DAPK1: variants seen among roughly 807,000 people sequenced by gnomAD.
DAPK1 encodes death associated protein kinase 1.
Under a neutral mutation model 144.9 loss-of-function variants are expected in DAPK1, and 56 were observed. The ratio of observed to expected loss-of-function variants is 0.39; its 90% CI spans 0.31 to 0.48. DAPK1 has a LOEUF of 0.48. Ranked by LOEUF, DAPK1 falls within the 20% of genes least tolerant of loss-of-function variation. The pLI, the probability that DAPK1 is intolerant of heterozygous loss-of-function variation, is 0.95. For synonymous variants in DAPK1, 690 were observed against 749.0 expected (o/e 0.92, Z 1.29); for missense variants, 1,454 against 1,875.4 (o/e 0.78, Z 4.15).
At chr9:87,568,139 G>A (rs1033741914) in intron 2 of DAPK1, among the ~76,000 whole-genome samples, 2 of 152,218 alleles carry the variant, frequency 1.3e-5, no homozygotes, top group African/African-American at 4.8e-5. Context: ...AGCCACCCAG[G>A]CATAAGGCAC....
intron 2 of DAPK1, among the ~76,000 whole-genome samples, chr9:87,514,594 G>A (rs918895942): frequency 2.6e-5 from 4 of 152,202 alleles, no homozygotes; most frequent in Non-Finnish European, 4.4e-5. Flanking sequence ...ACAAGAACCA[G>A]CCCCAAATTG....
At chr9:87,627,213 C>T (rs1416657698) in intron 3 of DAPK1, among the ~76,000 whole-genome samples, 1 of 152,172 alleles carries the variant, frequency 6.6e-6, no homozygotes, top group African/African-American at 2.4e-5. Context: ...GTTGACCTTG[C>T]TCCTGAGGGT....
chr9:87,632,376 A>T (rs1484992616), intron 3 of DAPK1: 15 of 983,734 alleles, frequency 1.5e-5, no homozygotes, highest in South Asian at 4.7e-5. Flanking sequence ...GGATGAGTGC[A>T]TATGTAGAAA....
intron 2 of DAPK1, among the ~76,000 whole-genome samples, chr9:87,571,562 CAG>C (rs1827362387): frequency 2.0e-5 from 3 of 148,502 alleles, no homozygotes; most frequent in Non-Finnish European, 3.0e-5. Context: ...GAAAAGGGAA[CAG>C]AGAGGGTTTG....
chr9:87,508,492 G>A (rs1429295721), intron 2 of DAPK1, among the ~76,000 whole-genome samples: 3 of 151,894 alleles, frequency 2.0e-5, no homozygotes, highest in Non-Finnish European at 2.9e-5. Flanking sequence ...ACAGGTGCCC[G>A]CCACCACACC....
Position 87,548,913 on chromosome 9 carries a change from CTTTTTTT to C in DAPK1, c.62+49795_62+49801del, listed in dbSNP as rs11291160. On this transcript the variant is annotated intron_variant, in intron 2 of 25. Coordinates refer to ENST00000408954, the MANE Select transcript of DAPK1 (RefSeq NM_004938.4). ...ACCACCCACTGAGTGGATTTCATTC[CTTTTTTT>C]TTTTTTTTTTTTTTTTTTTTGGCTT... Among the ~76,000 whole-genome samples the C allele has an allele frequency of 1.9e-3, 119 of 63,868 alleles. 1 individual carries two copies. The highest frequency in any genetic ancestry group is 2.2e-3 in the Non-Finnish European group (85 of 37,942). The allele number at this position is 63,868 out of a possible 152,430, so 41.9% of individuals were successfully genotyped here. A position where few individuals can be genotyped will look rare whatever the true frequency, so the allele number is the denominator to read the frequency against.
At chr9:87,626,875 G>A (rs185059443) in intron 3 of DAPK1, among the ~76,000 whole-genome samples, 72 of 152,232 alleles carry the variant, frequency 4.7e-4, no homozygotes, top group Non-Finnish European at 6.6e-4. Flanking sequence ...GCCATATGGT[G>A]CATAGACTTC....
At chr9:87,587,312 A>G (rs1219506637) in intron 2 of DAPK1, among the ~76,000 whole-genome samples, 3 of 152,170 alleles carry the variant, frequency 2.0e-5, no homozygotes, top group Non-Finnish European at 2.9e-5. Context: ...TTTACTTTTA[A>G]CCTTTGTTTT....
intron 2 of DAPK1, among the ~76,000 whole-genome samples, chr9:87,563,180 C>T (rs1447476810): frequency 6.6e-6 from 1 of 152,180 alleles, no homozygotes; most frequent in Admixed American, 6.5e-5. Context: ...GGCATTCTTT[C>T]CTGGTAAACT....
intron 21 of DAPK1, among the ~76,000 whole-genome samples, chr9:87,689,208 T>G (rs1824968748): frequency 6.6e-6 from 1 of 152,320 alleles, no homozygotes; most frequent in African/African-American, 2.4e-5. Flanking sequence ...TCTCCATTAC[T>G]TATTTTTGTC....
chr9:87,538,454 A>G (rs1295639098), intron 2 of DAPK1, among the ~76,000 whole-genome samples: 2 of 152,200 alleles, frequency 1.3e-5, no homozygotes, highest in Non-Finnish European at 2.9e-5. Context: ...CTCATGTTAT[A>G]TACATAAAAG....
intron 18 of DAPK1, 54 bp downstream of exon 18, chr9:87,658,181 C>T (rs1830700251): frequency 2.7e-6 from 2 of 735,650 alleles, no homozygotes; most frequent in African/African-American, 3.5e-5. Context: ...CCTCTGGCGC[C>T]TCCAGGGCAG....
chr9:87,560,389 G>A (rs546811702), intron 2 of DAPK1, among the ~76,000 whole-genome samples: 90 of 152,210 alleles, frequency 5.9e-4, no homozygotes, highest in African/African-American at 2.0e-3. Context: ...ATTTTAAAGC[G>A]TGCAACTGAG....
At chr9:87,621,600 C>T (rs1829294451) in intron 3 of DAPK1, among the ~76,000 whole-genome samples, 1 of 152,188 alleles carries the variant, frequency 6.6e-6, no homozygotes, top group African/African-American at 2.4e-5. Flanking sequence ...CTCTTGAAAT[C>T]TAGAGCTCAG....
intron 11 of DAPK1, among the ~76,000 whole-genome samples, chr9:87,644,094 G>C (rs1387708786): frequency 2.0e-5 from 3 of 152,134 alleles, no homozygotes; most frequent in Admixed American, 6.5e-5. Flanking sequence ...GTTTTAATGT[G>C]AACTTTGACA....
chr9:87,704,509 T>G (rs1222009380), intron 25 of DAPK1, among the ~76,000 whole-genome samples: 1 of 152,184 alleles, frequency 6.6e-6, no homozygotes, highest in East Asian at 1.9e-4. Context: ...CGTATCTAAT[T>G]TGCAGATCTT....
intron 17 of DAPK1, 185 bp from the exon 18 acceptor site, chr9:87,657,844 A>G (rs570495202): frequency 2.3e-5 from 14 of 598,170 alleles, no homozygotes; most frequent in Non-Finnish European, 3.3e-5. Flanking sequence ...TTTAATTGCA[A>G]AGTACTTGGA....
intron 2 of DAPK1, among the ~76,000 whole-genome samples, chr9:87,545,118 A>T (rs1006408243): frequency 6.6e-6 from 1 of 152,198 alleles, no homozygotes; most frequent in East Asian, 1.9e-4. Flanking sequence ...CTTTGCAGCA[A>T]GTACAAAACT....
intron 11 of DAPK1, among the ~76,000 whole-genome samples, chr9:87,644,752 G>A (rs1830210642): frequency 6.6e-6 from 1 of 152,160 alleles, no homozygotes; most frequent in African/African-American, 2.4e-5. Context: ...AAAGTTTAGG[G>A]TAGGAGAGGG....
Sources: gnomAD v4.1 joint callset for allele counts (sites outside exome capture counted in the v4.1 genomes callset) on GRCh38, gnomAD v4.1.1 for gene constraint, MANE v1.5 for transcripts, NCBI Gene and HGNC (gene_info 2026-07-23, HGNC 2026-07-21) for gene names.